Variants in TCF7L1 observed in about 807,000 individuals in gnomAD.
TCF7L1 encodes transcription factor 7-like 1.
A neutral mutation model predicts 63.7 loss-of-function variants in TCF7L1; 18 were observed. The observed-to-expected ratio is 0.28, with a 90% CI of 0.20 to 0.42. The LOEUF (loss-of-function observed/expected upper bound fraction) is 0.42, where lower values mean the gene tolerates loss of function less well. Ranked by LOEUF, TCF7L1 falls within the 10% of genes least tolerant of loss-of-function variation. The pLI is 1.00. For synonymous variants in TCF7L1, 355 were observed against 340.9 expected, an observed-to-expected ratio of 1.04 and a Z score of -0.46; for missense variants, 654 against 779.3, an observed-to-expected ratio of 0.84 and a Z score of 1.91.
intron 4 of TCF7L1, among the ~76,000 whole-genome samples, chr2:85,288,494 G>T (rs1250923090): frequency 6.6e-6 from 1 of 152,104 alleles, no homozygotes; most frequent in African/African-American, 2.4e-5. Flanking sequence ...CGGCTTTTTT[G>T]TTAAAATACT....
At position 85,172,768 on chromosome 2, in the gene TCF7L1, C is replaced by T. The variant is rs148534213; in HGVS notation, c.441+38318C>T. On this transcript the variant is annotated intron_variant, in intron 3 of 11. Coordinates refer to ENST00000282111, the MANE Select transcript of TCF7L1 (RefSeq NM_031283.3). ...TCCTTTCACAACTGCAGGCTTGCTCCCCACTTCTTCCCTCCTTTAGTTTAA... is the reference window on the plus strand; with the variant it reads ...TCCTTTCACAACTGCAGGCTTGCTCTCCACTTCTTCCCTCCTTTAGTTTAA... Among the ~76,000 whole-genome samples, 1,350 of 152,222 alleles carry T rather than the reference C, an allele frequency of 8.9e-3. 19 individuals are homozygous for T. The highest frequency in any genetic ancestry group is 0.03 in the African/African-American group (1,255 of 41,544).
At chr2:85,218,627 T>G (rs569209309) in intron 3 of TCF7L1, among the ~76,000 whole-genome samples, 2 of 147,390 alleles carry the variant, frequency 1.4e-5, no homozygotes, top group Admixed American at 1.4e-4. Context: ...TTAAAATATC[T>G]TTTTATTCCA....
chr2:85,284,182 T>C (rs1681487363), intron 4 of TCF7L1, among the ~76,000 whole-genome samples: 1 of 152,060 alleles, frequency 6.6e-6, no homozygotes, highest in Non-Finnish European at 1.5e-5. Context: ...GGCTAATTTT[T>C]GGTATTTTTA....
chr2:85,224,297 T>C (rs1679909461), intron 3 of TCF7L1, among the ~76,000 whole-genome samples: 1 of 152,364 alleles, frequency 6.6e-6, no homozygotes, highest in South Asian at 2.1e-4. Context: ...CCTTTGAGTA[T>C]ATACCCAGTA....
chr2:85,278,419 A>G (rs1315969350), intron 3 of TCF7L1, among the ~76,000 whole-genome samples: 1 of 152,250 alleles, frequency 6.6e-6, no homozygotes, highest in East Asian at 1.9e-4. Flanking sequence ...AAAATTTAAA[A>G]CATGACTAGC....
chr2:85,290,715 G>A (rs1681688278), intron 4 of TCF7L1, among the ~76,000 whole-genome samples: 1 of 152,250 alleles, frequency 6.6e-6, no homozygotes, highest in Non-Finnish European at 1.5e-5. Context: ...GCGAGTGAGT[G>A]AGTGAGTGTG....
chr2:85,189,796 A>T (rs1004804343), intron 3 of TCF7L1, among the ~76,000 whole-genome samples: 1 of 152,056 alleles, frequency 6.6e-6, no homozygotes, highest in African/African-American at 2.4e-5. Flanking sequence ...CCGCCTGGAC[A>T]CAATCAGCTG....
At chr2:85,236,488 T>C (rs1680195644) in intron 3 of TCF7L1, among the ~76,000 whole-genome samples, 1 of 152,160 alleles carries the variant, frequency 6.6e-6, no homozygotes, top group African/African-American at 2.4e-5. Flanking sequence ...GATGCAATTG[T>C]GTGAACCCCC....
At chr2:85,303,577 C>T (rs1327944149) in intron 5 of TCF7L1, 3 of 269,570 alleles carry the variant, frequency 1.1e-5, no homozygotes, top group Non-Finnish European at 2.1e-5. Flanking sequence ...ACCAGTGACT[C>T]TTGTCATTGG....
At chr2:85,210,549 C>T (rs1216578529) in intron 3 of TCF7L1, among the ~76,000 whole-genome samples, 1 of 152,188 alleles carries the variant, frequency 6.6e-6, no homozygotes, top group African/African-American at 2.4e-5. Context: ...ACACCATAGC[C>T]AAGATTTGTC....
intron 3 of TCF7L1, among the ~76,000 whole-genome samples, chr2:85,216,688 G>A (rs1424044555): frequency 1.3e-5 from 2 of 152,072 alleles, no homozygotes; most frequent in African/African-American, 4.8e-5. Flanking sequence ...TCTCCAGTTA[G>A]CAATTACCGA....
At chr2:85,228,512 C>A (rs746976870) in intron 3 of TCF7L1, among the ~76,000 whole-genome samples, 2 of 152,068 alleles carry the variant, frequency 1.3e-5, no homozygotes, top group Non-Finnish European at 2.9e-5. Flanking sequence ...CCAGTGGGGA[C>A]GTTGTGCTGA....
At chr2:85,211,089 G>A (rs1016836347) in intron 3 of TCF7L1, among the ~76,000 whole-genome samples, 12 of 152,342 alleles carry the variant, frequency 7.9e-5, no homozygotes, top group African/African-American at 2.9e-4. Flanking sequence ...CTCTAGGGCA[G>A]TTTTCTGTCT....
intron 3 of TCF7L1, among the ~76,000 whole-genome samples, chr2:85,267,789 C>T (rs1010473552): frequency 6.6e-6 from 1 of 151,926 alleles, no homozygotes; most frequent in African/African-American, 2.4e-5. Context: ...GGGGGTTAAA[C>T]GAAATAACAC....
intron 3 of TCF7L1, among the ~76,000 whole-genome samples, chr2:85,252,147 G>A (rs2104336377): frequency 6.6e-6 from 1 of 152,300 alleles, no homozygotes; most frequent in South Asian, 2.1e-4. Context: ...TGACAAGAGG[G>A]CTGGGGGAGG....
chr2:85,138,615 G>T (rs1677650404), intron 3 of TCF7L1, among the ~76,000 whole-genome samples: 1 of 152,150 alleles, frequency 6.6e-6, no homozygotes, highest in African/African-American at 2.4e-5. Context: ...GGTGATATTG[G>T]TGACAAACTC....
intron 3 of TCF7L1, among the ~76,000 whole-genome samples, chr2:85,266,703 T>C (rs1023165008): frequency 1.3e-5 from 2 of 152,274 alleles, no homozygotes; most frequent in Non-Finnish European, 2.9e-5. Context: ...TTACGGCTTA[T>C]CCATATTGAA....
intron 4 of TCF7L1, among the ~76,000 whole-genome samples, chr2:85,288,571 G>T (rs1219340330): frequency 6.6e-6 from 1 of 152,200 alleles, no homozygotes; most frequent in Non-Finnish European, 1.5e-5. Context: ...CCTGGGAGTA[G>T]AGCAAGCGAA....
chr2:85,256,204 C>T (rs753636845), intron 3 of TCF7L1, among the ~76,000 whole-genome samples: 1 of 152,314 alleles, frequency 6.6e-6, no homozygotes, highest in Non-Finnish European at 1.5e-5. Context: ...GGCCGGTTGG[C>T]GTCCCCCCCG....
Sources: gnomAD v4.1 joint callset for allele counts (sites outside exome capture counted in the v4.1 genomes callset) on GRCh38, gnomAD v4.1.1 for gene constraint, MANE v1.5 for transcripts, NCBI Gene and HGNC (gene_info 2026-07-23, HGNC 2026-07-21) for gene names.